The following POLD1 variants were observed in gnomAD, a reference collection of about 807,000 sequenced individuals.
POLD1 encodes the protein DNA polymerase delta catalytic subunit.
A neutral mutation model predicts 129.7 loss-of-function variants in POLD1; 79 were observed. The ratio of observed to expected loss-of-function variants is 0.61; its 90% CI spans 0.51 to 0.73. POLD1 has a LOEUF of 0.73. Among genes scored for constraint, POLD1 ranks in the 30% least tolerant of loss-of-function variants. The pLI is 0.00. For synonymous variants in POLD1, 714 were observed against 683.3 expected, an observed-to-expected ratio of 1.04 and a Z score of -0.70; for missense variants, 1,338 against 1,595.8, an observed-to-expected ratio of 0.84 and a Z score of 2.75.
At chr19:50,390,864 C>T (rs1294946812) in intron 1 of POLD1, among the ~76,000 whole-genome samples, 2 of 137,718 alleles carry the variant, frequency 1.5e-5, no homozygotes, top group African/African-American at 7.2e-5. Context: ...GTGGACACAG[C>T]ACATGTTTCA....
chr19:50,387,484 C>T (rs2038012489), intron 1 of POLD1, among the ~76,000 whole-genome samples: 1 of 152,136 alleles, frequency 6.6e-6, no homozygotes, highest in African/African-American at 2.4e-5. Flanking sequence ...AGCTCTCATC[C>T]TGTGCCAGGG....
At position 50,415,946 on chromosome 19, in the gene POLD1, G is replaced by GC. The variant is rs1375620602; in HGVS notation, c.2820+126dup. The GC allele has an allele frequency of 5.4e-5, 38 of 703,162 alleles. 1 individual carries two copies. In the Middle Eastern group the frequency reaches 1.2e-3, roughly 22 times the overall value. 43.6% of individuals were successfully genotyped at this position (703,162 alleles called of 1,614,324 possible). On this transcript the variant is annotated intron_variant, in intron 22 of 26. Transcript: ENST00000440232. ...CGTGCCCTGTGGGGCCCTGAGAACC[G>GC]CCCCCCATGGCAGCCTGGGTGTGGC...
chr19:50,417,682 A>T (rs796631038), intron 26 of POLD1, among the ~76,000 whole-genome samples, 160 bp from the exon 27 acceptor site: 51 of 77,436 alleles, frequency 6.6e-4, no homozygotes, highest in African/African-American at 3.3e-3. Context: ...CCCCCCCCCC[A>T]CCCCCCCCGT....
rs377668137 is a variant in POLD1 at position 50,415,393 on chromosome 19, C to G, written c.2565-45C>G. 4.5e-4 allele frequency: 717 copies of G among 1,579,708 alleles called. 5 individuals carry two copies. In the South Asian group the frequency reaches 4.9e-3, roughly 11 times the overall value. On this transcript the variant is annotated intron_variant, in intron 20 of 26. Coordinates refer to ENST00000440232, the MANE Select transcript of POLD1 (RefSeq NM_002691.4). The stretch of plus-strand genomic sequence containing the variant: ...GAGACCCGTGGAGGCACCAGCCTGG[C>G]CCTCAGTGCCTTTTGGTGACGCTGT...
At chr19:50,390,860 A>G (rs1358527330) in intron 1 of POLD1, among the ~76,000 whole-genome samples, 1 of 151,936 alleles carries the variant, frequency 6.6e-6, no homozygotes, top group African/African-American at 2.4e-5. Context: ...CTGAGTGGAC[A>G]CAGCACATGT....
At position 50,403,053 on chromosome 19, in the gene POLD1, G is replaced by C. The variant is rs1388338405; in HGVS notation, c.971G>C (p.Gly324Ala). 1 of 1,556,936 alleles carries C rather than the reference G, an allele frequency of 6.4e-7. No homozygotes were observed. Among genetic ancestry groups the C allele is most frequent in the Non-Finnish European group, 8.7e-7 (1 of 1,149,986 alleles). ...GCCCCTGCATCCTCCTGCCTCGCAG[G>C]CATCTTCCCTGAGCCTGAGCGGGAC... is the stretch of plus-strand genomic sequence containing the variant. ...SFDIECAGRK[G>A]IFPEPERDPV... The change falls in exon 9 of 27, where the codon GGC becomes GCC. Residue 324 changes from glycine (G) to alanine (A), a missense_variant and splice_region_variant. This residue lies in a region of POLD1 where 720 missense variants were observed against 1,002.6 expected (regional missense o/e 0.72). Transcript: ENST00000440232.
rs75260592 is a variant in POLD1, at chr19:50,392,956, T to G, written c.-1-5895T>G. On this transcript the variant is annotated intron_variant, in intron 1 of 26. Transcript: ENST00000440232. ...TTCCTCATTCCTTTACACAGTTGCA[T>G]AGTATTCCATTGAACGGACTTAACA... Among the ~76,000 whole-genome samples the G allele has an allele frequency of 4.5e-3, 690 of 152,378 alleles. 5 individuals carry two copies. Among genetic ancestry groups the G allele is most frequent in the African/African-American group, 0.014 (564 of 41,592 alleles).
intron 3 of POLD1, 145 bp from the exon 4 acceptor site, chr19:50,401,633 A>G: frequency 1.2e-6 from 1 of 837,362 alleles, no homozygotes; most frequent in Non-Finnish European, 1.9e-6. Context: ...GATGGGAACC[A>G]GGGGGGAGGC....
chr19:50,398,565 C>T (rs1173198958), intron 1 of POLD1, among the ~76,000 whole-genome samples: 1 of 69,158 alleles, frequency 1.4e-5, no homozygotes, highest in African/African-American at 6.1e-5. Context: ...AGCACAATTC[C>T]ATCTCAAAAA....
chr19:50,416,558 C>T (rs1368002889), intron 23 of POLD1, 30 bp downstream of exon 23: 37 of 1,547,782 alleles, frequency 2.4e-5, no homozygotes, highest in Non-Finnish European at 3.1e-5. Context: ...CTGGGGGCAC[C>T]CTGGGGGGGC....
At position 50,415,558 on chromosome 19, in the gene POLD1, CGGCAAGCA is replaced by C. The variant is rs755492646; in HGVS notation, c.2689_2696del (p.Lys897ProfsTer54). 1 of 1,612,340 alleles carries C rather than the reference CGGCAAGCA, an allele frequency of 6.2e-7. No homozygotes were observed. Among genetic ancestry groups the C allele is most frequent in the African/African-American group, 1.3e-5 (1 of 74,932 alleles). On this transcript the variant is annotated frameshift_variant, in exon 21 of 27. Transcript: ENST00000440232. LOFTEE classifies it high-confidence loss of function. ...TGACCCGCGCGGCCTCCGACTATGC[CGGCAAGCA>C]GGCCCACGTGGAGCTGGCCGAGAGG...
intron 3 of POLD1, among the ~76,000 whole-genome samples, chr19:50,401,320 ATATAT>A (rs1384169523): frequency 1.4e-5 from 2 of 143,798 alleles, no homozygotes; most frequent in East Asian, 2.0e-4. Flanking sequence ...GTAGAGACAA[ATATAT>A]TTATTTGTAC....
Position 50,399,424 on chromosome 19 carries a change from G to C in POLD1, c.256G>C (p.Ala86Pro), listed in dbSNP as rs2122202540. ...DPRWLRPTPPALDPQTEPLIF... is the reference protein window; with the variant it reads ...DPRWLRPTPPPLDPQTEPLIF... The stretch of plus-strand genomic sequence containing the variant: ...TCGCTGGCTTCGGCCCACACCACCA[G>C]CGCTGGACCCCCAGACAGAGCCCCT... The change falls in exon 3 of 27, where the codon GCG becomes CCG. Residue 86 changes from alanine (A) to proline (P), a missense_variant. Ala to Pro is a conservative substitution (Grantham distance 27). Around this residue, in one of 3 missense-constraint regions of POLD1, gnomAD observed 332 missense variants for 315.7 expected, o/e 1.05. Coordinates refer to ENST00000440232, the MANE Select transcript of POLD1 (RefSeq NM_002691.4). 6.2e-7 allele frequency: 1 copy of C among 1,614,180 alleles called. No individual in the cohort carries two copies.
rs2039012181 is a variant in POLD1 at position 50,409,358 on chromosome 19, CA to C, written c.2006+124del. ...CTGCCCTCAGCTGTGCGTGAATTAG[CA>C]CAAGGCATCCCCTCCTGGCAGCTTC... On this transcript the variant is annotated intron_variant, in intron 16 of 26. Coordinates refer to ENST00000440232, the MANE Select transcript of POLD1 (RefSeq NM_002691.4). This position sits in a 1 kb window ranked among gnomAD's most constrained non-coding sequence, Gnocchi z 5.8. The C allele has an allele frequency of 7.2e-6, 9 of 1,241,436 alleles. No homozygotes were observed. The highest frequency in any genetic ancestry group is 1.5e-5 in the African/African-American group (1 of 67,150). The allele number at this position is 1,241,436 out of a possible 1,614,324, so 76.9% of individuals were successfully genotyped here. A position where few individuals can be genotyped will look rare whatever the true frequency, so the allele number is the denominator to read the frequency against.
At chr19:50,397,645 C>T (rs1010754592) in intron 1 of POLD1, among the ~76,000 whole-genome samples, 14 of 152,120 alleles carry the variant, frequency 9.2e-5, no homozygotes, top group South Asian at 6.2e-4. Context: ...CCTCGTGATC[C>T]GCCCACCTTG....
chr19:50,413,991 A>C, intron 19 of POLD1, 112 bp downstream of exon 19: 1 of 1,160,228 alleles, frequency 8.6e-7, no homozygotes. Flanking sequence ...TGCTGCTTAG[A>C]TTCTCCTGAG....
chr19:50,415,567 G>A lies in POLD1; in HGVS notation c.2694G>A (p.Gln898=). 6.2e-7 allele frequency: 1 copy of A among 1,612,194 alleles called. No homozygotes were observed. The highest frequency in any genetic ancestry group is 8.5e-7 in the Non-Finnish European group (1 of 1,179,270). ...CGGCCTCCGACTATGCCGGCAAGCA[G>A]GCCCACGTGGAGCTGGCCGAGAGGT... ...TRAASDYAGK[Q]AHVELAERMR... is the part of the protein sequence containing the mutation. Residue 898 remains glutamine (Q), a synonymous_variant, in exon 21 of 27, where the codon CAG becomes CAA. Transcript: ENST00000440232.
chr19:50,399,158 A>G, intron 2 of POLD1, 105 bp downstream of exon 2: 2 of 1,507,730 alleles, frequency 1.3e-6, no homozygotes, highest in Non-Finnish European at 1.8e-6. Context: ...CACTCTGGCC[A>G]ATTTTGAATC....
At chr19:50,388,135 A>G (rs2038033565) in intron 1 of POLD1, among the ~76,000 whole-genome samples, 1 of 152,208 alleles carries the variant, frequency 6.6e-6, no homozygotes, top group Admixed American at 6.5e-5. Context: ...CCATGGAGAC[A>G]GAAAGTTAGA....
Sources: gnomAD v4.1 joint callset for allele counts (sites outside exome capture counted in the v4.1 genomes callset) on GRCh38, gnomAD v4.1.1 for gene constraint, gnomAD v4.1.1 regional missense constraint, Gnocchi (gnomAD v3.1) non-coding constraint, MANE v1.5 for transcripts, NCBI Gene and HGNC (gene_info 2026-07-23, HGNC 2026-07-21) for gene names.